The following CATSPERB variants were observed in gnomAD, a reference collection of about 807,000 sequenced individuals.
The protein encoded by CATSPERB is catsper channel auxiliary subunit beta, also known as cation channel sperm-associated auxiliary subunit beta.
In CATSPERB, 93 loss-of-function variants were observed where a neutral mutation model predicts 128.3. The observed-to-expected ratio is 0.72, with a 90% confidence interval of 0.61 to 0.86. The LOEUF is 0.86. CATSPERB is among the 40% of genes least tolerant of loss of function. The pLI, the probability that CATSPERB is intolerant of heterozygous loss-of-function variation, is 0.00. For synonymous variants in CATSPERB, 381 were observed against 448.8 expected, an observed-to-expected ratio of 0.85 and a Z score of 1.91; for missense variants, 1,153 against 1,329.5, an observed-to-expected ratio of 0.87 and a Z score of 2.06.
chr14:91,718,854 A>G (rs1313594069), intron 5 of CATSPERB, among the ~76,000 whole-genome samples: 1 of 152,136 alleles, frequency 6.6e-6, no homozygotes, highest in Non-Finnish European at 1.5e-5. Flanking sequence ...CGCACCTATC[A>G]TATTAAAACA....
chr14:91,594,933 A>G (rs1347712763), intron 22 of CATSPERB, among the ~76,000 whole-genome samples: 1 of 152,202 alleles, frequency 6.6e-6, no homozygotes, highest in Non-Finnish European at 1.5e-5. Context: ...CTTAGTTTTC[A>G]GTGACTCCAA....
chr14:91,581,069 G>T lies in CATSPERB; in HGVS notation c.3171C>A (p.His1057Gln), dbSNP rs1299512726. 1 of 1,614,188 alleles carries T rather than the reference G, an allele frequency of 6.2e-7. No homozygotes were observed. The highest frequency in any genetic ancestry group is 8.5e-7 in the Non-Finnish European group (1 of 1,180,012). The stretch of plus-strand genomic sequence containing the variant: ...CCGCTGTTGCCACGGCAATAAGCGT[G>T]TGTCCTGGGAATGGCAATGGTGCCT... ...VDEAPLPFPGHTLIAVATAVV... is the reference protein window; with the variant it reads ...VDEAPLPFPGQTLIAVATAVV... Residue 1057 changes from histidine (H) to glutamine (Q), a missense_variant, in exon 27 of 27, where the codon CAC (histidine) becomes CAA (glutamine). Transcript: ENST00000256343.
chr14:91,583,229 T>A (rs1480180497), intron 26 of CATSPERB, among the ~76,000 whole-genome samples: 2 of 152,142 alleles, frequency 1.3e-5, no homozygotes, highest in Non-Finnish European at 1.5e-5. Flanking sequence ...CCATCCTGGC[T>A]AACATGGTGA....
At chr14:91,715,137 C>T (rs2139773590) in intron 5 of CATSPERB, 1 of 148,842 alleles carries the variant, frequency 6.7e-6, no homozygotes, top group African/African-American at 2.5e-5. Context: ...TTTTGGTATA[C>T]TTTTTTTTTT....
chr14:91,702,418 G>T (rs1439417012), intron 7 of CATSPERB, among the ~76,000 whole-genome samples: 4 of 151,268 alleles, frequency 2.6e-5, no homozygotes, highest in Non-Finnish European at 5.9e-5. Flanking sequence ...CACCAACCTA[G>T]TAAAACTAAA....
At chr14:91,600,957 C>A (rs1325733974) in intron 22 of CATSPERB, among the ~76,000 whole-genome samples, 1 of 152,148 alleles carries the variant, frequency 6.6e-6, no homozygotes, top group Non-Finnish European at 1.5e-5. Context: ...TATGATAAGT[C>A]AGTAAACAGA....
At chr14:91,664,825 C>T (rs1357053713) in intron 14 of CATSPERB, among the ~76,000 whole-genome samples, 2 of 152,156 alleles carry the variant, frequency 1.3e-5, no homozygotes, top group African/African-American at 4.8e-5. Flanking sequence ...TTTCAGAGGA[C>T]ACCATATAAA....
rs1044399307 is a variant in CATSPERB, at chr14:91,621,629, T to C, written c.2239A>G (p.Lys747Glu). ...DLGNSYVLKA[K>E]VIRNAKGFRM... is the part of the protein sequence containing the mutation. ...TTACCTTTTGCATTCCGTATGACCT[T>C]AGCTTTTAAAACATAAGAGTTTCCC... Residue 747 changes from lysine (K) to glutamate (E), a missense_variant, in exon 19 of 27, where the codon AAG becomes GAG. Lys to Glu is a moderately conservative substitution (Grantham distance 56, BLOSUM62 1). Transcript: ENST00000256343. The C allele has an allele frequency of 1.2e-6, 2 of 1,605,132 alleles. No individual in the cohort carries two copies. Among genetic ancestry groups the C allele is most frequent in the African/African-American group, 2.7e-5 (2 of 74,654 alleles).
intron 11 of CATSPERB, among the ~76,000 whole-genome samples, chr14:91,682,695 C>A (rs1895303673): frequency 6.6e-6 from 1 of 152,170 alleles, no homozygotes; most frequent in South Asian, 2.1e-4. Context: ...ACGCCAGACA[C>A]CACTGTCAAA....
intron 19 of CATSPERB, among the ~76,000 whole-genome samples, chr14:91,618,232 T>C (rs1893981662): frequency 6.6e-6 from 1 of 152,128 alleles, no homozygotes; most frequent in African/African-American, 2.4e-5. Flanking sequence ...CTGATTGCTA[T>C]CTTGGTTTTG....
intron 11 of CATSPERB, among the ~76,000 whole-genome samples, chr14:91,679,990 G>A (rs778696272): frequency 6.6e-6 from 1 of 152,084 alleles, no homozygotes; most frequent in Non-Finnish European, 1.5e-5. Flanking sequence ...CCAATCTCAA[G>A]TCAACCAAAG....
At chr14:91,724,606 T>C (rs1896089959) in intron 3 of CATSPERB, among the ~76,000 whole-genome samples, 1 of 152,212 alleles carries the variant, frequency 6.6e-6, no homozygotes, top group African/African-American at 2.4e-5. Flanking sequence ...CTTGATAGCA[T>C]GCTTTATTTT....
intron 5 of CATSPERB, among the ~76,000 whole-genome samples, chr14:91,713,520 A>G (rs1895878431): frequency 6.6e-6 from 1 of 152,210 alleles, no homozygotes; most frequent in Admixed American, 6.5e-5. Context: ...TATTCTAAGG[A>G]TAAGAAGGGA....
intron 22 of CATSPERB, among the ~76,000 whole-genome samples, chr14:91,599,485 G>C (rs1351135716): frequency 6.6e-6 from 1 of 151,028 alleles, no homozygotes; most frequent in Admixed American, 6.6e-5. Flanking sequence ...CGTGAACCTG[G>C]GAAGCGGAGC....
chr14:91,687,410 G>T (rs560104992), intron 10 of CATSPERB, among the ~76,000 whole-genome samples: 2 of 152,034 alleles, frequency 1.3e-5, no homozygotes, highest in Non-Finnish European at 2.9e-5. Context: ...TCAGTGAATC[G>T]AATTAGTCCT....
intron 5 of CATSPERB, among the ~76,000 whole-genome samples, chr14:91,712,229 A>G (rs977210364): frequency 2.0e-5 from 3 of 152,340 alleles, no homozygotes; most frequent in Middle Eastern, 3.4e-3. Flanking sequence ...TGTATAAATA[A>G]TGAATAGAAA....
At chr14:91,667,411 GAA>G (rs1345881301) in intron 14 of CATSPERB, among the ~76,000 whole-genome samples, 1 of 152,176 alleles carries the variant, frequency 6.6e-6, no homozygotes, top group African/African-American at 2.4e-5. Context: ...GAAAGAAAGA[GAA>G]AGAGAGAGAC....
chr14:91,719,699 T>C lies in CATSPERB; in HGVS notation c.310-221A>G, dbSNP rs551930898. On this transcript the variant is annotated intron_variant, in intron 4 of 26. Coordinates refer to ENST00000256343, the MANE Select transcript of CATSPERB (RefSeq NM_024764.4). ...TTTGCATCACTGTAATGGCTGAACA[T>C]TGGAAATAATGAAAATATTCATCAG... Among the ~76,000 whole-genome samples the C allele has an allele frequency of 2.0e-5, 3 of 152,288 alleles. No homozygotes were observed. In the South Asian group the frequency reaches 6.2e-4, roughly 32 times the overall value.
intron 17 of CATSPERB, among the ~76,000 whole-genome samples, chr14:91,631,274 T>C (rs938083798): frequency 2.0e-5 from 3 of 152,242 alleles, no homozygotes; most frequent in African/African-American, 7.2e-5. Flanking sequence ...ATTGAATGAA[T>C]GAAGAGCTTT....
Sources: allele counts gnomAD v4.1 joint callset (sites outside exome capture counted in the v4.1 genomes callset), GRCh38; gene constraint gnomAD v4.1.1; transcripts MANE v1.5; gene names NCBI Gene and HGNC (gene_info 2026-07-23, HGNC 2026-07-21).